DMD: variants seen among roughly 807,000 people sequenced by gnomAD.
DMD encodes the protein mutant dystrophin.
DMD carries 63 observed loss-of-function variants against 330.1 expected under a neutral mutation model. That is an observed-to-expected ratio of 0.19 (90% confidence interval 0.16 to 0.24). The LOEUF (loss-of-function observed/expected upper bound fraction) is 0.24, where lower values mean the gene tolerates loss of function less well. DMD is among the 10% of genes least tolerant of loss of function. DMD has a pLI of 1.00. For synonymous variants in DMD, 1,223 were observed against 959.8 expected, an observed-to-expected ratio of 1.27 and a Z score of -5.07; for missense variants, 3,344 against 2,684.1, an observed-to-expected ratio of 1.25 and a Z score of -5.43.
At chrX:32,544,612 A>C (rs919998582) in intron 17 of DMD, among the ~76,000 whole-genome samples, 19 of 111,558 alleles carry the variant, frequency 1.7e-4, no homozygotes, top group African/African-American at 6.2e-4. Flanking sequence ...AGATCAGTTA[A>C]AAATTCTAAC....
chrX:32,198,394 T>A (rs965686093), intron 44 of DMD, among the ~76,000 whole-genome samples: 1 of 111,681 alleles, frequency 9.0e-6, no homozygotes, highest in Non-Finnish European at 1.9e-5. Flanking sequence ...AGAGCTTCAA[T>A]ATTTTCAGAG....
intron 1 of DMD, among the ~76,000 whole-genome samples, chrX:33,115,368 A>T (rs2095373368): frequency 9.2e-6 from 1 of 108,783 alleles, no homozygotes; most frequent in Non-Finnish European, 1.9e-5. Context: ...CAAGGGGATA[A>T]TTTTTTTTTT....
chrX:33,019,668 G>T (rs2093875745), intron 2 of DMD, among the ~76,000 whole-genome samples: 2 of 111,626 alleles, frequency 1.8e-5, no homozygotes, highest in South Asian at 7.4e-4. Flanking sequence ...ACAAAAACAA[G>T]ATGAACTTAT....
At chrX:32,308,062 C>A (rs141172969) in intron 42 of DMD, among the ~76,000 whole-genome samples, 1 of 109,678 alleles carries the variant, frequency 9.1e-6, no homozygotes, top group African/African-American at 3.3e-5. Flanking sequence ...CTATTAAATG[C>A]AGATTTCCAC....
intron 45 of DMD, among the ~76,000 whole-genome samples, chrX:31,955,003 C>CAAA (rs530305580): frequency 1.7e-5 from 1 of 60,274 alleles, no homozygotes; most frequent in Non-Finnish European, 3.2e-5. Context: ...CTGCCTCTAC[C>CAAA]AAAAAAAAAA....
chrX:32,391,873 GT>G (rs2098005155), intron 30 of DMD, among the ~76,000 whole-genome samples: 3 of 111,808 alleles, frequency 2.7e-5, no homozygotes, highest in African/African-American at 9.8e-5. Context: ...CTTTAGAGGG[GT>G]TATGGCTAGG....
chrX:32,878,765 T>A (rs2083596957), intron 2 of DMD, among the ~76,000 whole-genome samples: 1 of 109,544 alleles, frequency 9.1e-6, no homozygotes, highest in African/African-American at 3.3e-5. Context: ...AGCCCAACAC[T>A]TTGGGAGGCT....
chrX:31,794,601 C>T (rs372939825), intron 50 of DMD, among the ~76,000 whole-genome samples: 10 of 111,535 alleles, frequency 9.0e-5, no homozygotes, highest in East Asian at 2.8e-4. Flanking sequence ...ACCTAGAGGA[C>T]GCTGAGATAA....
At chrX:31,431,520 C>G (rs1377462645) in intron 60 of DMD, among the ~76,000 whole-genome samples, 1 of 110,859 alleles carries the variant, frequency 9.0e-6, no homozygotes, top group East Asian at 2.9e-4. Flanking sequence ...GCCTCAGCCT[C>G]CCGAGTAGCT....
chrX:31,572,955 T>C (rs1189660673), intron 55 of DMD, among the ~76,000 whole-genome samples: 1 of 111,990 alleles, frequency 8.9e-6, no homozygotes, highest in Non-Finnish European at 1.9e-5. Flanking sequence ...GTAAATATCA[T>C]TTTAATTCCC....
At chrX:31,452,391 T>C (rs1217398498) in intron 59 of DMD, among the ~76,000 whole-genome samples, 6 of 109,034 alleles carry the variant, frequency 5.5e-5, no homozygotes, top group Non-Finnish European at 9.5e-5. Context: ...CAGACGAGCC[T>C]GGCCAACACA....
At chrX:32,588,658 A>G (rs972240972) in intron 13 of DMD, among the ~76,000 whole-genome samples, 1 of 112,025 alleles carries the variant, frequency 8.9e-6, no homozygotes, top group African/African-American at 3.2e-5. Context: ...CAATGTGGAG[A>G]TTGGATGGAA....
chrX:31,182,621 T>C, intron 68 of DMD, 117 bp downstream of exon 68: 4 of 698,356 alleles, frequency 5.7e-6, no homozygotes, highest in Non-Finnish European at 9.1e-6. Flanking sequence ...TCACCTTCTC[T>C]CCCACTTTGG....
chrX:32,365,356 A>G (rs1454868917), intron 34 of DMD, among the ~76,000 whole-genome samples, 157 bp from the exon 35 acceptor site: 1 of 111,224 alleles, frequency 9.0e-6, no homozygotes, highest in African/African-American at 3.3e-5. Flanking sequence ...TATATACTGA[A>G]GCTTCATTGT....
chrX:32,593,620 CT>C (rs1293618256), intron 13 of DMD, among the ~76,000 whole-genome samples: 1 of 110,323 alleles, frequency 9.1e-6, no homozygotes, highest in Non-Finnish European at 1.9e-5. Context: ...GTGACAAATT[CT>C]TTTTTTTAAC....
At chrX:31,857,479 T>G (rs940153320) in intron 48 of DMD, among the ~76,000 whole-genome samples, 10 of 109,495 alleles carry the variant, frequency 9.1e-5, no homozygotes, top group African/African-American at 3.3e-4. Context: ...TTTAAGCTGT[T>G]TAATGTTCAA....
rs2032336644 is a variant in DMD, at chrX:31,120,887, A to AT, written c.*1031_*1032insA. 2 of 107,106 alleles carry AT rather than the reference A, an allele frequency of 1.9e-5. No individual in the cohort carries two copies. Among genetic ancestry groups the AT allele is most frequent in the African/African-American group, 3.8e-5 (1 of 26,395 alleles). 8.8% of individuals were successfully genotyped at this position (107,106 alleles called of 1,213,427 possible). ...AATGTATCAATCAATCAATCAATCA[A>AT]CCAACCAACCGATTACTCACTCTGA... On this transcript the variant is annotated 3_prime_UTR_variant, in exon 79 of 79. Coordinates refer to ENST00000357033, the MANE Select transcript of DMD (RefSeq NM_004006.3).
intron 47 of DMD, among the ~76,000 whole-genome samples, chrX:31,924,917 G>C (rs1367965636): frequency 9.0e-6 from 1 of 111,713 alleles, no homozygotes; most frequent in Non-Finnish European, 1.9e-5. Context: ...AAAATGCGAT[G>C]AAAAATTTAA....
At chrX:31,879,217 G>GGC (rs1556965924) in intron 47 of DMD, among the ~76,000 whole-genome samples, 4 of 103,781 alleles carry the variant, frequency 3.9e-5, no homozygotes, top group African/African-American at 1.4e-4. Context: ...GGCGGGGGGG[G>GGC]GCCTCACAAT....
Sources: gnomAD v4.1 joint callset for allele counts (sites outside exome capture counted in the v4.1 genomes callset) on GRCh38, gnomAD v4.1.1 for gene constraint, MANE v1.5 for transcripts, NCBI Gene and HGNC (gene_info 2026-07-23, HGNC 2026-07-21) for gene names.